The following CNTN4 variants were observed in gnomAD, a reference collection of about 807,000 sequenced individuals.
CNTN4 encodes the protein contactin-4.
CNTN4 carries 77 observed loss-of-function variants against 122.5 expected under a neutral mutation model. The observed-to-expected ratio is 0.63, with a 90% CI of 0.52 to 0.76. The LOEUF is 0.76. CNTN4 is among the 30% of genes least tolerant of loss of function. CNTN4 has a pLI of 0.00. For synonymous variants in CNTN4, 512 were observed against 447.0 expected, an observed-to-expected ratio of 1.15 and a Z score of -1.83; for missense variants, 1,256 against 1,259.1, an observed-to-expected ratio of 1.00 and a Z score of 0.04.
At chr3:2,264,075 C>A (rs148190606) in intron 2 of CNTN4, among the ~76,000 whole-genome samples, 1 of 152,112 alleles carries the variant, frequency 6.6e-6, no homozygotes, top group Admixed American at 6.6e-5. Flanking sequence ...GCAGTAAGCA[C>A]GGCAGTGCAG....
chr3:2,399,230 A>G (rs1198471487), intron 3 of CNTN4, among the ~76,000 whole-genome samples: 2 of 151,968 alleles, frequency 1.3e-5, no homozygotes, highest in East Asian at 3.8e-4. Context: ...GGGTTAGTTT[A>G]GATTCCTTAT....
chr3:2,696,665 G>C (rs2149229425), intron 4 of CNTN4, among the ~76,000 whole-genome samples: 1 of 152,204 alleles, frequency 6.6e-6, no homozygotes, highest in Non-Finnish European at 1.5e-5. Flanking sequence ...AATCCCAAAG[G>C]GACTGAGACA....
intron 2 of CNTN4, among the ~76,000 whole-genome samples, chr3:2,219,203 A>AT (rs2038967221): frequency 6.6e-6 from 1 of 152,160 alleles, no homozygotes; most frequent in Non-Finnish European, 1.5e-5. Flanking sequence ...TTAGTGATTT[A>AT]TATTTTAACC....
chr3:2,517,082 TG>T (rs2077060631), intron 3 of CNTN4, among the ~76,000 whole-genome samples: 2 of 152,160 alleles, frequency 1.3e-5, no homozygotes, highest in African/African-American at 2.4e-5. Flanking sequence ...AAAAATATTT[TG>T]CATAGGTATT....
intron 3 of CNTN4, among the ~76,000 whole-genome samples, chr3:2,461,200 C>G (rs1348182739): frequency 2.0e-5 from 3 of 152,112 alleles, no homozygotes; most frequent in Non-Finnish European, 4.4e-5. Context: ...GTGTTCTCTA[C>G]TCTTAAATAA....
At chr3:2,256,199 T>C (rs1192348545) in intron 2 of CNTN4, among the ~76,000 whole-genome samples, 2 of 151,968 alleles carry the variant, frequency 1.3e-5, no homozygotes, top group Admixed American at 1.3e-4. Context: ...GGAAGAAATG[T>C]ATAAATTCCT....
At chr3:2,818,777 T>A (rs191648913) in intron 6 of CNTN4, among the ~76,000 whole-genome samples, 2 of 152,318 alleles carry the variant, frequency 1.3e-5, no homozygotes, top group Admixed American at 1.3e-4. Flanking sequence ...TTTGAGGTAA[T>A]AAAACATTCT....
At chr3:2,409,780 A>G (rs115803663) in intron 3 of CNTN4, among the ~76,000 whole-genome samples, 3,414 of 152,280 alleles carry the variant, frequency 0.022, 61 homozygotes, top group Non-Finnish European at 0.035. Flanking sequence ...GATGAGGCAT[A>G]TGTATATTAT....
intron 3 of CNTN4, among the ~76,000 whole-genome samples, chr3:2,536,569 G>A (rs2077814939): frequency 6.6e-6 from 1 of 151,148 alleles, no homozygotes; most frequent in Non-Finnish European, 1.5e-5. Context: ...GAGCCCTGAA[G>A]AAAATATTTT....
intron 4 of CNTN4, among the ~76,000 whole-genome samples, chr3:2,641,344 A>C (rs1409136829): frequency 6.6e-6 from 1 of 152,176 alleles, no homozygotes; most frequent in Non-Finnish European, 1.5e-5. Context: ...CAGGGAGTAC[A>C]TATTATTCAC....
At chr3:2,543,941 G>T (rs948288150) in intron 3 of CNTN4, among the ~76,000 whole-genome samples, 1 of 152,044 alleles carries the variant, frequency 6.6e-6, no homozygotes, top group Non-Finnish European at 1.5e-5. Context: ...GTAAGGAAGC[G>T]ACAAGCCTCT....
chr3:2,729,416 G>T (rs1472828465), intron 4 of CNTN4, among the ~76,000 whole-genome samples: 1 of 151,192 alleles, frequency 6.6e-6, no homozygotes, highest in Non-Finnish European at 1.5e-5. Context: ...GTGGTGGCAG[G>T]CGCCTGTATT....
intron 13 of CNTN4, among the ~76,000 whole-genome samples, chr3:2,952,585 T>C (rs1438672526): frequency 6.6e-6 from 1 of 152,230 alleles, no homozygotes; most frequent in African/African-American, 2.4e-5. Context: ...GACTCTTTGA[T>C]TGACAGTATA....
chr3:2,196,615 C>G (rs890776307), intron 2 of CNTN4, among the ~76,000 whole-genome samples: 12 of 152,066 alleles, frequency 7.9e-5, no homozygotes, highest in African/African-American at 2.7e-4. Context: ...AGTACGTACC[C>G]TATACCAAGC....
intron 4 of CNTN4, among the ~76,000 whole-genome samples, chr3:2,669,229 C>G (rs900936717): frequency 6.6e-6 from 1 of 151,880 alleles, no homozygotes; most frequent in Non-Finnish European, 1.5e-5. Context: ...CCTGGACTTT[C>G]TTTGGTTGGT....
chr3:2,681,140 G>A (rs565235445), intron 4 of CNTN4, among the ~76,000 whole-genome samples: 42 of 152,120 alleles, frequency 2.8e-4, no homozygotes, highest in Admixed American at 1.3e-3. Context: ...GATACGGCCC[G>A]CCACCCAAGG....
chr3:2,747,407 TAAAAA>T (rs1187974635), intron 6 of CNTN4, among the ~76,000 whole-genome samples: 1 of 26,302 alleles, frequency 3.8e-5, no homozygotes, highest in Admixed American at 6.0e-4. Flanking sequence ...AGACTCCGTC[TAAAAA>T]AAAAAATAAA....
intron 2 of CNTN4, among the ~76,000 whole-genome samples, chr3:2,162,866 G>A (rs1212965065): frequency 1.3e-5 from 2 of 152,174 alleles, no homozygotes; most frequent in Non-Finnish European, 2.9e-5. Context: ...GGAGGCAGAG[G>A]CGGGTGGGTG....
chr3:2,381,249 A>C (rs928993763), intron 3 of CNTN4, among the ~76,000 whole-genome samples: 2 of 151,600 alleles, frequency 1.3e-5, no homozygotes, highest in Admixed American at 6.6e-5. Context: ...CTCGTGATCC[A>C]CCCGCCTCGG....
Sources: gnomAD v4.1 joint callset for allele counts (sites outside exome capture counted in the v4.1 genomes callset) on GRCh38, gnomAD v4.1.1 for gene constraint, MANE v1.5 for transcripts, NCBI Gene and HGNC (gene_info 2026-07-23, HGNC 2026-07-21) for gene names.